CHM: variants seen among roughly 807,000 people sequenced by gnomAD.
CHM encodes rab proteins geranylgeranyltransferase component A 1.
A neutral mutation model predicts 49.0 loss-of-function variants in CHM; 10 were observed. The observed-to-expected ratio is 0.20, with a 90% confidence interval of 0.13 to 0.35. The LOEUF (loss-of-function observed/expected upper bound fraction) is 0.35, where lower values mean the gene tolerates loss of function less well. Ranked by LOEUF, CHM falls within the 10% of genes least tolerant of loss-of-function variation. CHM has a pLI of 1.00. For missense variants in CHM, 455 were observed against 478.4 expected, an observed-to-expected ratio of 0.95 and a Z score of 0.46; for synonymous variants, 184 against 167.5, an observed-to-expected ratio of 1.10 and a Z score of -0.76.
At chrX:85,916,283 A>G (rs761539325) in intron 8 of CHM, among the ~76,000 whole-genome samples, 6 of 111,908 alleles carry the variant, frequency 5.4e-5, no homozygotes, top group Non-Finnish European at 9.4e-5. Flanking sequence ...TCCTTACACC[A>G]TATATATATC....
intron 11 of CHM, among the ~76,000 whole-genome samples, chrX:85,898,008 A>G (rs914804036): frequency 9.0e-6 from 1 of 111,228 alleles, no homozygotes; most frequent in African/African-American, 3.3e-5. Flanking sequence ...ACAGGGAATG[A>G]GGAATTGTAC....
At chrX:85,904,422 T>C (rs1262721239) in intron 9 of CHM, among the ~76,000 whole-genome samples, 1 of 110,493 alleles carries the variant, frequency 9.1e-6, no homozygotes, top group Admixed American at 9.6e-5. Flanking sequence ...AGCAAAATGA[T>C]GATGAGGAAG....
At chrX:85,956,629 G>C (rs1930022998) in intron 7 of CHM, among the ~76,000 whole-genome samples, 1 of 111,098 alleles carries the variant, frequency 9.0e-6, no homozygotes, top group Non-Finnish European at 1.9e-5. Context: ...AAAAAAACTA[G>C]AAAATATTAA....
In CHM at chrX:85,931,920, T is replaced by C. The variant is rs183383189; in HGVS notation, c.1167-20582A>G. Among the ~76,000 whole-genome samples, 448 of 112,638 alleles carry C rather than the reference T, an allele frequency of 4.0e-3. 3 individuals are homozygous for C. The highest frequency in any genetic ancestry group is 6.8e-3 in the Non-Finnish European group (361 of 53,313). On this transcript the variant is annotated intron_variant, in intron 8 of 14. Coordinates refer to ENST00000357749, the MANE Select transcript of CHM (RefSeq NM_000390.4). The stretch of plus-strand genomic sequence containing the variant: ...CTCAAAGTACCTTGCACTATGCTTT[T>C]GTGCTTTGCTGCTTTCAGTGTCCTC...
chrX:86,012,180 A>T (rs1054310461), intron 2 of CHM, among the ~76,000 whole-genome samples: 2 of 112,011 alleles, frequency 1.8e-5, no homozygotes, highest in Non-Finnish European at 3.8e-5. Flanking sequence ...GAAATTCAAA[A>T]TTCAACATTT....
intron 2 of CHM, among the ~76,000 whole-genome samples, 157 bp from the exon 3 acceptor site, chrX:85,981,966 A>G (rs1301122843): frequency 9.0e-6 from 1 of 111,696 alleles, no homozygotes; most frequent in Non-Finnish European, 1.9e-5. Context: ...GAAGGCTCAC[A>G]TAAGTGGAAG....
At chrX:86,000,750 A>T (rs1477874671) in intron 2 of CHM, among the ~76,000 whole-genome samples, 1 of 111,196 alleles carries the variant, frequency 9.0e-6, no homozygotes, top group Non-Finnish European at 1.9e-5. Flanking sequence ...CAAGCACAAA[A>T]AGACAAATAT....
intron 2 of CHM, among the ~76,000 whole-genome samples, chrX:85,983,152 G>A (rs912385615): frequency 9.0e-6 from 1 of 111,035 alleles, no homozygotes; most frequent in Non-Finnish European, 1.9e-5. Flanking sequence ...ACAGAGAAAA[G>A]GGTTAAATAA....
intron 2 of CHM, among the ~76,000 whole-genome samples, chrX:85,983,224 T>C (rs1286255623): frequency 9.0e-6 from 1 of 110,882 alleles, no homozygotes; most frequent in Non-Finnish European, 1.9e-5. Flanking sequence ...GATGGTCTCT[T>C]CGGAAATAAT....
intron 8 of CHM, among the ~76,000 whole-genome samples, chrX:85,920,522 A>G (rs1927730448): frequency 8.9e-6 from 1 of 112,205 alleles, no homozygotes; most frequent in Non-Finnish European, 1.9e-5. Flanking sequence ...GGAAATAACT[A>G]TTGGCTACAT....
intron 12 of CHM, among the ~76,000 whole-genome samples, chrX:85,884,300 G>C (rs747873418): frequency 9.0e-6 from 1 of 110,900 alleles, no homozygotes; most frequent in South Asian, 3.8e-4. Flanking sequence ...CTAACCCAAA[G>C]TTGCTTAGAA....
intron 8 of CHM, among the ~76,000 whole-genome samples, chrX:85,955,859 C>T (rs1004068892): frequency 5.4e-5 from 6 of 111,543 alleles, no homozygotes; most frequent in African/African-American, 2.0e-4. Context: ...CAATAACATA[C>T]TATATAGTAA....
At chrX:85,970,235 C>T in intron 4 of CHM, 3 of 732,034 alleles carry the variant, frequency 4.1e-6, no homozygotes, top group Middle Eastern at 7.7e-4. Flanking sequence ...TTTAAAAAAT[C>T]CCATGGCATA....
Position 85,963,727 on chromosome X carries a change from T to G in CHM, c.640A>C (p.Arg214=). 1 of 1,205,129 alleles carries G rather than the reference T, an allele frequency of 8.3e-7. No homozygotes were observed. Among genetic ancestry groups the G allele is most frequent in the Non-Finnish European group, 1.1e-6 (1 of 889,490 alleles). ...TTAATAATTTGTGAGTAAGTAATTCTGTTTTTCTTTGGTTGCTCTGTGGTA... is the reference window on the plus strand; with the variant it reads ...TTAATAATTTGTGAGTAAGTAATTCGGTTTTTCTTTGGTTGCTCTGTGGTA... ...EDTTEQPKKN[R]ITYSQIIKEG... The change falls in exon 5 of 15, where the codon AGA becomes CGA. Residue 214 remains arginine, a synonymous_variant. Coordinates refer to ENST00000357749, the MANE Select transcript of CHM (RefSeq NM_000390.4).
rs1930993924 is a variant in CHM, at chrX:85,972,536, A to C, written c.314+6231T>G. ...GCAGCTAAGGCCCGGTGAGAAATTG[A>C]CCACAGCGCCGGTGGGCTGGCACTG... On this transcript the variant is annotated intron_variant, in intron 4 of 14. Transcript: ENST00000357749. Among the ~76,000 whole-genome samples the C allele has an allele frequency of 8.0e-5, 9 of 113,054 alleles. No homozygotes were observed. In the South Asian group the frequency reaches 3.2e-3, roughly 40 times the overall value.
At chrX:86,046,002 G>A (rs907518413) in intron 1 of CHM, among the ~76,000 whole-genome samples, 1 of 112,389 alleles carries the variant, frequency 8.9e-6, no homozygotes, top group African/African-American at 3.2e-5. Context: ...CAGCCATGCA[G>A]TTATTTTCAG....
At chrX:85,945,425 C>T (rs1929347589) in intron 8 of CHM, among the ~76,000 whole-genome samples, 1 of 93,796 alleles carries the variant, frequency 1.1e-5, no homozygotes. Context: ...AAATGTGTGG[C>T]ATCTCCCTCT....
At chrX:85,926,577 G>GA (rs201363556) in intron 8 of CHM, among the ~76,000 whole-genome samples, 53 of 105,906 alleles carry the variant, frequency 5.0e-4, no homozygotes, top group African/African-American at 1.4e-3. Context: ...ACTTCAGAAG[G>GA]AAAAAAAAAG....
chrX:86,042,553 C>T (rs747692456), intron 1 of CHM, among the ~76,000 whole-genome samples: 40 of 110,423 alleles, frequency 3.6e-4, no homozygotes, highest in Middle Eastern at 4.6e-3. Context: ...CACAGTGGCT[C>T]CCATCTGTAA....
Sources: gnomAD v4.1 joint callset for allele counts (sites outside exome capture counted in the v4.1 genomes callset) on GRCh38, gnomAD v4.1.1 for gene constraint, MANE v1.5 for transcripts, NCBI Gene and HGNC (gene_info 2026-07-23, HGNC 2026-07-21) for gene names.